AKAP10: variants seen among roughly 807,000 people sequenced by gnomAD.
AKAP10 encodes A-kinase anchoring protein 10, also known as A-kinase anchor protein 10, mitochondrial.
A neutral mutation model predicts 80.8 loss-of-function variants in AKAP10; 24 were observed. The ratio of observed to expected loss-of-function variants is 0.30; its 90% CI spans 0.22 to 0.42. AKAP10 has a LOEUF of 0.42. AKAP10 is among the 10% of genes least tolerant of loss of function. AKAP10 has a pLI of 1.00. For synonymous variants in AKAP10, 291 were observed against 277.7 expected, an observed-to-expected ratio of 1.05 and a Z score of -0.48; for missense variants, 661 against 794.9, an observed-to-expected ratio of 0.83 and a Z score of 2.03.
At chr17:19,907,660 C>T (rs1223239365) in intron 14 of AKAP10, among the ~76,000 whole-genome samples, 2 of 152,062 alleles carry the variant, frequency 1.3e-5, no homozygotes, top group African/African-American at 4.8e-5. Flanking sequence ...CCACCTTGGC[C>T]TCCCAAAGTG....
At chr17:19,954,651 ATTTTT>A (rs575010093) in intron 4 of AKAP10, among the ~76,000 whole-genome samples, 3 of 140,098 alleles carry the variant, frequency 2.1e-5, no homozygotes, top group East Asian at 4.2e-4. Flanking sequence ...CGCCCGGCTA[ATTTTT>A]TTTTTTTTTT....
chr17:19,963,304 C>T (rs1364658601), intron 2 of AKAP10, among the ~76,000 whole-genome samples: 1 of 150,446 alleles, frequency 6.6e-6, no homozygotes, highest in African/African-American at 2.5e-5. Context: ...CAACCTCTGC[C>T]TCCCATGTTC....
intron 3 of AKAP10, among the ~76,000 whole-genome samples, chr17:19,960,230 C>T (rs1025008356): frequency 6.6e-5 from 10 of 152,174 alleles, no homozygotes; most frequent in African/African-American, 2.4e-4. Flanking sequence ...TATCTATACT[C>T]ATTCTTGTTT....
At position 19,958,567 on chromosome 17, in the gene AKAP10, T is replaced by C. The variant is rs756374198; in HGVS notation, c.324A>G (p.Arg108=). 1.3e-6 allele frequency: 2 copies of C among 1,593,574 alleles called. No homozygotes were observed. Among genetic ancestry groups the C allele is most frequent in the East Asian group, 2.2e-5 (1 of 44,768 alleles). The change falls in exon 4 of 15, where the codon AGA becomes AGG. Residue 108 remains arginine, a synonymous_variant. Coordinates refer to ENST00000225737, the MANE Select transcript of AKAP10 (RefSeq NM_007202.4). ...MEAAHFGDLG[R]SCLDYQTQET... is the part of the protein sequence containing the mutation. ...CTTGAGTCTGGTAGTCCAGACAAGATCTGCCTAAAAGATAGAAGCAAAAGA... is the reference window on the plus strand; with the variant it reads ...CTTGAGTCTGGTAGTCCAGACAAGACCTGCCTAAAAGATAGAAGCAAAAGA...
intron 2 of AKAP10, among the ~76,000 whole-genome samples, 189 bp from the exon 3 acceptor site, chr17:19,963,211 CTTTTTTT>C (rs35363359): frequency 2.5e-5 from 3 of 119,576 alleles, no homozygotes; most frequent in African/African-American, 9.9e-5. Context: ...AGAAAACACT[CTTTTTTT>C]TTTTTTTTTT....
chr17:19,907,546 T>C lies in AKAP10; in HGVS notation c.1984-1314A>G, dbSNP rs534998049. ...GATTCTTGTGCCTCAGCCTCCCATA[T>C]AGCTGGGACTATAGGCACCTGCCAC... On this transcript the variant is annotated intron_variant, in intron 14 of 14. Coordinates refer to ENST00000225737, the MANE Select transcript of AKAP10 (RefSeq NM_007202.4). Among the ~76,000 whole-genome samples the C allele has an allele frequency of 1.3e-5, 2 of 151,936 alleles. 1 individual carries two copies. Among genetic ancestry groups the C allele is most frequent in the South Asian group, 4.2e-4 (2 of 4,816 alleles).
Position 19,955,884 on chromosome 17 carries a change from CAGGTT to C in AKAP10, c.877+2125_877+2129del, listed in dbSNP as rs549619495. On this transcript the variant is annotated intron_variant, in intron 4 of 14. Transcript: ENST00000225737. Reference sequence around the variant, plus strand: ...GACTTTGGACTTCCATTTCCAGAAACAGGTTAGAAACTCTTCCCAATACTGAATTC... The same window carrying C: ...GACTTTGGACTTCCATTTCCAGAAACAGAAACTCTTCCCAATACTGAATTC... 4.6e-5 allele frequency among the ~76,000 whole-genome samples: 7 copies of C among 151,422 alleles called. No homozygotes were observed. The South Asian group carries it at 1.5e-3, about 32-fold the overall frequency.
intron 9 of AKAP10, chr17:19,935,983 TTTTTC>T (rs2042987873): frequency 4.7e-6 from 1 of 212,082 alleles, no homozygotes. Context: ...ATCTTTTTAG[TTTTTC>T]TTTTTTCTTT....
rs2043111791 is a variant in AKAP10 at position 19,946,234 on chromosome 17, A to AC, written c.976+1172_976+1173insG. On this transcript the variant is annotated intron_variant, in intron 5 of 14. Transcript: ENST00000225737. The stretch of plus-strand genomic sequence containing the variant: ...ATATATATATATTTTATATATATAT[A>AC]TATTATATATATATATATATATATA... Among the ~76,000 whole-genome samples, 27 of 17,258 alleles carry AC rather than the reference A, an allele frequency of 1.6e-3. 4 individuals are homozygous for AC. Among genetic ancestry groups the AC allele is most frequent in the African/African-American group, 4.6e-3 (26 of 5,624 alleles). The allele number at this position is 17,258 out of a possible 152,430, so 11.3% of individuals were successfully genotyped here.
chr17:19,910,696 T>C (rs1036226536), intron 12 of AKAP10, among the ~76,000 whole-genome samples: 3 of 152,102 alleles, frequency 2.0e-5, no homozygotes, highest in Non-Finnish European at 4.4e-5. Flanking sequence ...CACCAACACA[T>C]TTGTTATGTT....
chr17:19,974,706 ATT>A lies in AKAP10; in HGVS notation c.88+2884_88+2885del, dbSNP rs55940277. 8.9e-3 allele frequency among the ~76,000 whole-genome samples: 1,299 copies of A among 146,508 alleles called. 13 individuals are homozygous for A. The highest frequency in any genetic ancestry group is 0.026 in the African/African-American group (1,041 of 40,086). On this transcript the variant is annotated intron_variant, in intron 1 of 14. Transcript: ENST00000225737. ...CAGCCTCCAAAAAGCACCTAGAATG[ATT>A]TTTTTTTTTTTTTGAGACAAGATCT...
At chr17:19,910,751 C>CA (rs2042681584) in intron 12 of AKAP10, among the ~76,000 whole-genome samples, 1 of 151,060 alleles carries the variant, frequency 6.6e-6, no homozygotes, top group Non-Finnish European at 1.5e-5. Context: ...GCTTCTAAGA[C>CA]AGAGTATGCT....
intron 2 of AKAP10, among the ~76,000 whole-genome samples, chr17:19,963,513 G>A (rs1043689903): frequency 7.9e-5 from 12 of 152,002 alleles, no homozygotes; most frequent in Admixed American, 4.6e-4. Flanking sequence ...TCTAAAATAC[G>A]GATTATTTTT....
At chr17:19,973,934 T>G (rs1438629943) in intron 1 of AKAP10, among the ~76,000 whole-genome samples, 1 of 152,200 alleles carries the variant, frequency 6.6e-6, no homozygotes, top group Non-Finnish European at 1.5e-5. Flanking sequence ...CCGGGAGCGG[T>G]GGCTCATGCC....
intron 10 of AKAP10, among the ~76,000 whole-genome samples, chr17:19,925,078 C>T (rs2042862372): frequency 6.6e-6 from 1 of 152,090 alleles, no homozygotes; most frequent in African/African-American, 2.4e-5. Context: ...ACATGAGAAT[C>T]ACTTGAGCCC....
At position 19,971,345 on chromosome 17, in the gene AKAP10, C is replaced by A. The variant is rs76476144; in HGVS notation, c.89-2884G>T. On this transcript the variant is annotated intron_variant, in intron 1 of 14. Coordinates refer to ENST00000225737, the MANE Select transcript of AKAP10 (RefSeq NM_007202.4). The stretch of plus-strand genomic sequence containing the variant: ...CCAACATGGTGAAACCCTGTGGCCA[C>A]TAAAAATAGGAAAATGAGCTGGGCA... 1.3e-4 allele frequency among the ~76,000 whole-genome samples: 19 copies of A among 151,700 alleles called. No individual in the cohort carries two copies. In the East Asian group the frequency reaches 3.8e-3, roughly 30 times the overall value.
rs1555571843 is a variant in AKAP10, at chr17:19,905,030, A to ATATAT, written c.*1196_*1197insATATA. On this transcript the variant is annotated 3_prime_UTR_variant, in exon 15 of 15. Coordinates refer to ENST00000225737, the MANE Select transcript of AKAP10 (RefSeq NM_007202.4). Reference sequence around the variant, plus strand: ...TATATATTTATACATATATATATATATTTTTTTTTTTGCAAAGTCTGAGCA... The same window carrying ATATAT: ...TATATATTTATACATATATATATATATATATTTTTTTTTTTTGCAAAGTCTGAGCA... 1 of 144,170 alleles carries ATATAT rather than the reference A, an allele frequency of 6.9e-6. No individual in the cohort carries two copies. Among genetic ancestry groups the ATATAT allele is most frequent in the East Asian group, 2.0e-4 (1 of 5,106 alleles). 8.9% of individuals were successfully genotyped at this position (144,170 alleles called of 1,614,324 possible). A position where few individuals can be genotyped will look rare whatever the true frequency, so the allele number is the denominator to read the frequency against.
chr17:19,911,512 T>C (rs1259588928), intron 12 of AKAP10, among the ~76,000 whole-genome samples: 1 of 152,054 alleles, frequency 6.6e-6, no homozygotes, highest in Non-Finnish European at 1.5e-5. Flanking sequence ...CTCATTCTAC[T>C]GACAGGGAAA....
At chr17:19,972,524 C>T (rs1335314161) in intron 1 of AKAP10, among the ~76,000 whole-genome samples, 1 of 152,298 alleles carries the variant, frequency 6.6e-6, no homozygotes, top group African/African-American at 2.4e-5. Flanking sequence ...GGCGCGATCT[C>T]AGCTCACTGC....
Sources: gnomAD v4.1 joint callset for allele counts (sites outside exome capture counted in the v4.1 genomes callset) on GRCh38, gnomAD v4.1.1 for gene constraint, MANE v1.5 for transcripts, NCBI Gene and HGNC (gene_info 2026-07-23, HGNC 2026-07-21) for gene names.